The following ME1 variants were observed in gnomAD, a reference collection of about 807,000 sequenced individuals.
ME1 encodes the protein malic enzyme 1.
In ME1, 74 loss-of-function variants were observed where a neutral mutation model predicts 66.4. The observed-to-expected ratio is 1.11, with a 90% CI of 0.92 to 1.35. The LOEUF (loss-of-function observed/expected upper bound fraction) is 1.35. ME1 is among the 40% of genes most tolerant of loss of function. The pLI is 0.00. For synonymous variants in ME1, 251 were observed against 235.6 expected (o/e 1.07, Z -0.60); for missense variants, 750 against 694.1 (o/e 1.08, Z -0.90).
intron 6 of ME1, among the ~76,000 whole-genome samples, chr6:83,313,133 TTTAAG>T (rs1331528993): frequency 6.6e-6 from 1 of 152,228 alleles, no homozygotes; most frequent in Non-Finnish European, 1.5e-5. Flanking sequence ...CCACTTTGAA[TTTAAG>T]TTATGTTTCT....
At chr6:83,303,312 T>C (rs1767763839) in intron 6 of ME1, among the ~76,000 whole-genome samples, 1 of 152,160 alleles carries the variant, frequency 6.6e-6, no homozygotes, top group South Asian at 2.1e-4. Context: ...ATGTACCTTT[T>C]TTATTGTGAA....
chr6:83,426,851 C>G (rs1021844823), intron 1 of ME1, among the ~76,000 whole-genome samples: 3 of 152,080 alleles, frequency 2.0e-5, no homozygotes, highest in African/African-American at 7.2e-5. Flanking sequence ...ATTATTTACT[C>G]TTAAGATATA....
At chr6:83,266,881 G>A (rs983798816) in intron 6 of ME1, among the ~76,000 whole-genome samples, 2 of 152,082 alleles carry the variant, frequency 1.3e-5, no homozygotes, top group Non-Finnish European at 2.9e-5. Context: ...ACATGATGCC[G>A]TCTATGTAGT....
chr6:83,304,377 A>G (rs1000714493), intron 6 of ME1, among the ~76,000 whole-genome samples: 2 of 152,196 alleles, frequency 1.3e-5, no homozygotes, highest in Non-Finnish European at 2.9e-5. Context: ...TCATTCTATG[A>G]CACCTCTGAA....
At chr6:83,418,797 C>T (rs541619270) in intron 1 of ME1, among the ~76,000 whole-genome samples, 35 of 152,194 alleles carry the variant, frequency 2.3e-4, no homozygotes, top group African/African-American at 8.2e-4. Flanking sequence ...ACACAAATAA[C>T]TATAACAATT....
intron 5 of ME1, among the ~76,000 whole-genome samples, chr6:83,340,641 G>T (rs1046070548): frequency 7.3e-5 from 11 of 150,986 alleles, no homozygotes; most frequent in African/African-American, 2.4e-4. Context: ...TGGGAGCATG[G>T]GTAAATATGA....
At chr6:83,296,453 G>A (rs1205323213) in intron 6 of ME1, among the ~76,000 whole-genome samples, 2 of 152,106 alleles carry the variant, frequency 1.3e-5, no homozygotes, top group African/African-American at 4.8e-5. Context: ...AAAGGCTATC[G>A]ATAAAATTCA....
At chr6:83,415,938 T>C (rs937595170) in intron 1 of ME1, among the ~76,000 whole-genome samples, 2 of 152,216 alleles carry the variant, frequency 1.3e-5, no homozygotes, top group Non-Finnish European at 2.9e-5. Context: ...CAGTACATTT[T>C]TGGTATTTAA....
chr6:83,318,352 A>G (rs1177906696), intron 5 of ME1, among the ~76,000 whole-genome samples: 1 of 125,242 alleles, frequency 8.0e-6, no homozygotes, highest in Non-Finnish European at 1.7e-5. Context: ...AACTACCAAC[A>G]GAGTGAACAG....
intron 9 of ME1, among the ~76,000 whole-genome samples, chr6:83,232,082 G>C (rs1790319123): frequency 6.6e-6 from 1 of 152,096 alleles, no homozygotes; most frequent in Admixed American, 6.6e-5. Context: ...CACAGCCCAG[G>C]ATAGGAATAA....
chr6:83,329,609 C>G (rs768077326), intron 5 of ME1, among the ~76,000 whole-genome samples: 7 of 152,084 alleles, frequency 4.6e-5, no homozygotes, highest in Admixed American at 2.0e-4. Context: ...ATATGTGTGT[C>G]TCTGTGTGGC....
chr6:83,333,628 G>A (rs1173497266), intron 5 of ME1, among the ~76,000 whole-genome samples: 2 of 152,130 alleles, frequency 1.3e-5, no homozygotes, highest in African/African-American at 2.4e-5. Context: ...AGCTCAAATG[G>A]AGAAAGTAAT....
At position 83,271,940 on chromosome 6, in the gene ME1, G is replaced by A. The variant is rs142912879; in HGVS notation, c.705-18202C>T. ...AGATATTTTGACACAGGCATGCAAT[G>A]CATAATAATCACATCATGGAAGATG... On this transcript the variant is annotated intron_variant, in intron 6 of 13. Transcript: ENST00000369705. Among the ~76,000 whole-genome samples the A allele has an allele frequency of 6.6e-3, 1,001 of 152,212 alleles. 25 individuals are homozygous for A. Among genetic ancestry groups the A allele is most frequent in the East Asian group, 0.055 (283 of 5,178 alleles).
chr6:83,411,886 G>C (rs1770054930), intron 1 of ME1, among the ~76,000 whole-genome samples: 1 of 151,902 alleles, frequency 6.6e-6, no homozygotes, highest in African/African-American at 2.4e-5. Context: ...AAAACCTTTG[G>C]ACTAGATCCC....
Position 83,216,513 on chromosome 6 carries a change from C to T in ME1, c.1533G>A (p.Leu511=). The T allele has an allele frequency of 1.2e-6, 2 of 1,603,592 alleles. No homozygotes were observed. The highest frequency in any genetic ancestry group is 1.1e-5 in the South Asian group (1 of 88,200). The change falls in exon 13 of 14, where the codon CTG becomes CTA. Residue 511 remains leucine (L), a synonymous_variant. Coordinates refer to ENST00000369705, the MANE Select transcript of ME1 (RefSeq NM_002395.6). The part of the protein sequence containing the change: ...PPLNTIRDVS[L]KIAEKIVKDA... ...GTGGTTTTACCTTTTCTGCAATTTT[C>T]AGAGAAACATCTCTAATGGTATTCA...
chr6:83,345,596 AACTG>A (rs1253193191), intron 5 of ME1, among the ~76,000 whole-genome samples: 2 of 152,124 alleles, frequency 1.3e-5, no homozygotes, highest in Non-Finnish European at 1.5e-5. Flanking sequence ...GTTCATCCTT[AACTG>A]ACTATTATCT....
chr6:83,299,534 C>T (rs571551152), intron 6 of ME1, among the ~76,000 whole-genome samples: 7 of 152,018 alleles, frequency 4.6e-5, no homozygotes, highest in South Asian at 4.2e-4. Context: ...TATAGGATTA[C>T]GTTGTTTGCA....
At chr6:83,276,425 A>G (rs1205743397) in intron 6 of ME1, among the ~76,000 whole-genome samples, 1 of 152,212 alleles carries the variant, frequency 6.6e-6, no homozygotes, top group African/African-American at 2.4e-5. Flanking sequence ...AAAGCATGAC[A>G]ATGTCCCAGG....
At chr6:83,372,178 T>C (rs1769202404) in intron 3 of ME1, among the ~76,000 whole-genome samples, 1 of 152,138 alleles carries the variant, frequency 6.6e-6, no homozygotes, top group South Asian at 2.1e-4. Flanking sequence ...CGTAGAGAAG[T>C]GGGGTCGATG....
Sources: gnomAD v4.1 joint callset for allele counts (sites outside exome capture counted in the v4.1 genomes callset) on GRCh38, gnomAD v4.1.1 for gene constraint, MANE v1.5 for transcripts, NCBI Gene and HGNC (gene_info 2026-07-23, HGNC 2026-07-21) for gene names.